The following TCF7L1 variants were observed in gnomAD, a reference collection of about 807,000 sequenced individuals.
The protein encoded by TCF7L1 is transcription factor 7-like 1.
A neutral mutation model predicts 63.7 loss-of-function variants in TCF7L1; 18 were observed. That is an observed-to-expected ratio of 0.28 (90% CI 0.20 to 0.42). The LOEUF (loss-of-function observed/expected upper bound fraction) is 0.42, where lower values mean the gene tolerates loss of function less well. Among genes scored for constraint, TCF7L1 ranks in the 10% least tolerant of loss-of-function variants. The pLI is 1.00. For synonymous variants in TCF7L1, 355 were observed against 340.9 expected (o/e 1.04, Z -0.46); for missense variants, 654 against 779.3 (o/e 0.84, Z 1.91).
rs1677550459 is a variant in TCF7L1 at position 85,134,736 on chromosome 2, AC to A, written c.441+287del. 6.6e-6 allele frequency among the ~76,000 whole-genome samples: 1 copy of A among 152,138 alleles called. No homozygotes were observed. Among genetic ancestry groups the A allele is most frequent in the Non-Finnish European group, 1.5e-5 (1 of 68,024 alleles). On this transcript the variant is annotated intron_variant, in intron 3 of 11. Transcript: ENST00000282111. This position sits in a 1 kb window ranked among gnomAD's most constrained non-coding sequence, Gnocchi z 5.0. ...GAATTCTTCGCCTGCACCGAAGGAAACTTGGATTTGTGCCCGCTTTGGGGGG... is the reference window on the plus strand; with the variant it reads ...GAATTCTTCGCCTGCACCGAAGGAAATTGGATTTGTGCCCGCTTTGGGGGG...
chr2:85,232,770 T>A (rs1268750801), intron 3 of TCF7L1, among the ~76,000 whole-genome samples: 1 of 152,190 alleles, frequency 6.6e-6, no homozygotes, highest in Non-Finnish European at 1.5e-5. Context: ...TTTATACTTA[T>A]CCACGCAGTG....
chr2:85,283,645 T>G (rs1351633141), intron 4 of TCF7L1, 67 bp downstream of exon 4: 1 of 1,547,280 alleles, frequency 6.5e-7, no homozygotes, highest in Non-Finnish European at 8.9e-7. Context: ...GCCACTGCCT[T>G]CTGCCATCAC....
intron 3 of TCF7L1, among the ~76,000 whole-genome samples, chr2:85,258,484 G>A (rs1191968477): frequency 6.6e-6 from 1 of 152,170 alleles, no homozygotes; most frequent in African/African-American, 2.4e-5. Context: ...ATGTTTCCAT[G>A]TGTGGTCCCA....
At chr2:85,144,705 T>TTCTCTC (rs59431131) in intron 3 of TCF7L1, among the ~76,000 whole-genome samples, 13 of 146,304 alleles carry the variant, frequency 8.9e-5, no homozygotes, top group African/African-American at 1.8e-4. Flanking sequence ...CCATCCCCCT[T>TTCTCTC]TCTCTCTCTC....
rs1322494181 is a variant in TCF7L1, at chr2:85,133,742, G to A, written c.58G>A (p.Gly20Ser). The A allele has an allele frequency of 1.1e-5, 13 of 1,226,062 alleles. No individual in the cohort carries two copies. Among genetic ancestry groups the A allele is most frequent in the Non-Finnish European group, 1.2e-5 (12 of 984,708 alleles). The allele number at this position is 1,226,062 out of a possible 1,614,324, so 75.9% of individuals were successfully genotyped here. The change falls in exon 1 of 12, where the codon GGC (glycine) becomes AGC (serine). Residue 20 changes from glycine to serine, a missense_variant. Gly to Ser is a moderately conservative substitution (Grantham distance 56). This residue lies in a region of TCF7L1 where 404 missense variants were observed against 454.8 expected (regional missense o/e 0.89). Transcript: ENST00000282111. This position sits in a 1 kb window ranked among gnomAD's most constrained non-coding sequence, Gnocchi z 4.4. Reference protein sequence around the residue: ...GGGGGSGGGGGSSAGAAGGGD... With the variant: ...GGGGGSGGGGSSSAGAAGGGD... The stretch of plus-strand genomic sequence containing the variant: ...CGGCGGCGGCAGCGGGGGAGGCGGC[G>A]GCTCCAGCGCCGGGGCGGCCGGCGG...
chr2:85,214,777 G>A (rs1679655327), intron 3 of TCF7L1, among the ~76,000 whole-genome samples: 1 of 152,168 alleles, frequency 6.6e-6, no homozygotes, highest in Non-Finnish European at 1.5e-5. Context: ...TAAAAAAGAT[G>A]TGTACATTTT....
chr2:85,272,071 G>A (rs965949124), intron 3 of TCF7L1, among the ~76,000 whole-genome samples: 9 of 152,122 alleles, frequency 5.9e-5, no homozygotes, highest in African/African-American at 1.9e-4. Context: ...CCCCACCCCC[G>A]CTGCCTTCCT....
intron 3 of TCF7L1, among the ~76,000 whole-genome samples, chr2:85,237,406 C>T (rs1478931964): frequency 6.6e-6 from 1 of 152,120 alleles, no homozygotes; most frequent in African/African-American, 2.4e-5. Context: ...GCAGCCCCCT[C>T]TCAGCCTGTC....
intron 3 of TCF7L1, among the ~76,000 whole-genome samples, chr2:85,191,932 A>G (rs1037921415): frequency 1.3e-5 from 2 of 152,142 alleles, no homozygotes; most frequent in African/African-American, 4.8e-5. Flanking sequence ...AGCTTTTCAT[A>G]GGGAGGGGAC....
intron 3 of TCF7L1, among the ~76,000 whole-genome samples, chr2:85,239,954 A>G (rs936292168): frequency 6.6e-6 from 1 of 151,794 alleles, no homozygotes; most frequent in African/African-American, 2.4e-5. Context: ...TAAAAAAAAA[A>G]AAAAAAACAA....
At chr2:85,292,845 T>A (rs1308457268) in intron 4 of TCF7L1, among the ~76,000 whole-genome samples, 2 of 152,280 alleles carry the variant, frequency 1.3e-5, no homozygotes, top group Admixed American at 6.5e-5. Context: ...CCCAAAGTGC[T>A]GGGAATACAG....
chr2:85,220,668 G>A (rs1274770935), intron 3 of TCF7L1, among the ~76,000 whole-genome samples: 1 of 152,072 alleles, frequency 6.6e-6, no homozygotes, highest in Non-Finnish European at 1.5e-5. Flanking sequence ...CCAGCCTATA[G>A]TTTTATAACT....
chr2:85,241,901 T>C (rs1680341675), intron 3 of TCF7L1, among the ~76,000 whole-genome samples: 1 of 152,188 alleles, frequency 6.6e-6, no homozygotes, highest in Non-Finnish European at 1.5e-5. Context: ...GGACTCTATT[T>C]GTATTTCCTT....
chr2:85,275,800 G>A (rs958362089), intron 3 of TCF7L1, among the ~76,000 whole-genome samples: 1 of 151,528 alleles, frequency 6.6e-6, no homozygotes, highest in Non-Finnish European at 1.5e-5. Context: ...CATGCCTGTG[G>A]TCCCAGCTAC....
At chr2:85,172,985 C>T (rs1307434682) in intron 3 of TCF7L1, among the ~76,000 whole-genome samples, 1 of 152,228 alleles carries the variant, frequency 6.6e-6, no homozygotes, top group African/African-American at 2.4e-5. Flanking sequence ...TCTACCCCAG[C>T]ACCCGGACAG....
chr2:85,278,106 A>T (rs1453756819), intron 3 of TCF7L1, among the ~76,000 whole-genome samples: 1 of 152,188 alleles, frequency 6.6e-6, no homozygotes, highest in Admixed American at 6.5e-5. Flanking sequence ...CATGGCTCCA[A>T]TCAAAGCAAG....
At chr2:85,307,784 G>C in intron 11 of TCF7L1, 67 bp downstream of exon 11, 1 of 1,435,300 alleles carries the variant, frequency 7.0e-7, no homozygotes, top group South Asian at 1.1e-5. Context: ...TGCCCATGCT[G>C]TCTCTAGCTC....
intron 4 of TCF7L1, among the ~76,000 whole-genome samples, chr2:85,298,863 T>C (rs949556389): frequency 1.3e-5 from 2 of 152,020 alleles, no homozygotes; most frequent in Admixed American, 1.3e-4. Flanking sequence ...GGAACTTTTA[T>C]TGGGACAGAA....
At chr2:85,187,662 A>G (rs919621505) in intron 3 of TCF7L1, among the ~76,000 whole-genome samples, 4 of 152,212 alleles carry the variant, frequency 2.6e-5, no homozygotes, top group Admixed American at 1.3e-4. Context: ...TGTGTTCTCT[A>G]TTGTGTTCCA....
Sources: gnomAD v4.1 joint callset for allele counts (sites outside exome capture counted in the v4.1 genomes callset) on GRCh38, gnomAD v4.1.1 for gene constraint, gnomAD v4.1.1 regional missense constraint, Gnocchi (gnomAD v3.1) non-coding constraint, MANE v1.5 for transcripts, NCBI Gene and HGNC (gene_info 2026-07-23, HGNC 2026-07-21) for gene names.